Variants in SIGLEC7 observed in about 807,000 individuals in gnomAD.
The protein encoded by SIGLEC7 is sialic acid binding Ig like lectin 7, also known as sialic acid-binding Ig-like lectin 7.
In SIGLEC7, 33 loss-of-function variants were observed where a neutral mutation model predicts 40.8. The observed-to-expected ratio is 0.81, with a 90% CI of 0.61 to 1.08. The LOEUF (loss-of-function observed/expected upper bound fraction) is 1.08, where lower values mean the gene tolerates loss of function less well. Ranked by LOEUF, SIGLEC7 falls within the 50% of genes least tolerant of loss-of-function variation. SIGLEC7 has a pLI of 0.00. For missense variants in SIGLEC7, 513 were observed against 576.1 expected (o/e 0.89, Z 1.12); for synonymous variants, 242 against 237.6 (o/e 1.02, Z -0.17).
At position 51,145,936 on chromosome 19, in the gene SIGLEC7, A is replaced by G. The variant is rs777221109; in HGVS notation, c.842A>G (p.Asn281Ser). 1.9e-5 allele frequency: 31 copies of G among 1,614,052 alleles called. No individual in the cohort carries two copies. Among genetic ancestry groups the G allele is most frequent in the Admixed American group, 1.3e-4 (8 of 59,996 alleles). ...SLRLVCAVDS[N>S]PPARLSWTWR... ...CGCTTGGTCTGTGCTGTTGACAGCA[A>G]TCCCCCTGCCAGGCTGAGCTGGACC... Residue 281 changes from asparagine (N) to serine (S), a missense_variant, in exon 4 of 7, where the codon AAT becomes AGT. Coordinates refer to ENST00000317643, the MANE Select transcript of SIGLEC7 (RefSeq NM_014385.4). The surrounding 1 kb of genome is among the most constrained non-coding windows in gnomAD (Gnocchi z 4.3).
In SIGLEC7 at chr19:51,142,486, C is replaced by T; in HGVS notation, c.117C>T (p.Gly39=). ...AGAGTTCCGTGACCGTGCAAGAGGG[C>T]ATGTGTGTCCATGTGCGCTGCTCCT... ...TMQSSVTVQE[G]MCVHVRCSFS... is the part of the protein sequence containing the mutation. The change falls in exon 1 of 7, where the codon GGC becomes GGT. Residue 39 remains glycine (G), a synonymous_variant. Coordinates refer to ENST00000317643, the MANE Select transcript of SIGLEC7 (RefSeq NM_014385.4). The surrounding 1 kb of genome is among the most constrained non-coding windows in gnomAD (Gnocchi z 5.0). 1 of 1,614,136 alleles carries T rather than the reference C, an allele frequency of 6.2e-7. No homozygotes were observed. The highest frequency in any genetic ancestry group is 1.1e-5 in the South Asian group (1 of 91,088).
chr19:51,153,095 C>A lies in SIGLEC7; in HGVS notation c.1254C>A (p.Asn418Lys). The change falls in exon 7 of 7, where the codon AAC becomes AAA. Residue 418 changes from asparagine (N) to lysine (K), a missense_variant. Asn to Lys is a moderately conservative substitution (Grantham distance 94). Coordinates refer to ENST00000317643, the MANE Select transcript of SIGLEC7 (RefSeq NM_014385.4). The stretch of plus-strand genomic sequence containing the variant: ...TGACTGAGTCCTGGGCAGATGATAA[C>A]CCCCGACACCATGGCCTGGCTGCCC... ...GNLTESWADDNPRHHGLAAHS... is the reference protein window; with the variant it reads ...GNLTESWADDKPRHHGLAAHS... 5 of 1,603,282 alleles carry A rather than the reference C, an allele frequency of 3.1e-6. No individual in the cohort carries two copies. The highest frequency in any genetic ancestry group is 3.4e-6 in the Non-Finnish European group (4 of 1,174,760).
In SIGLEC7 at chr19:51,146,117, C is replaced by T. The variant is rs780559843; in HGVS notation, c.1023C>T (p.Tyr341=). ...TGAACCTCTCCCTGCAACAGGAGTA[C>T]ACAGGTGGGTAAGGGAGGGGCTGGA... ...VSLNLSLQQE[Y]TGKMRPVSGV... The change falls in exon 4 of 7, where the codon TAC becomes TAT. Residue 341 remains tyrosine (Y), a synonymous_variant. Coordinates refer to ENST00000317643, the MANE Select transcript of SIGLEC7 (RefSeq NM_014385.4). 4.3e-6 allele frequency: 7 copies of T among 1,613,668 alleles called. No individual in the cohort carries two copies. Among genetic ancestry groups the T allele is most frequent in the African/African-American group, 1.3e-5 (1 of 75,036 alleles).
intron 1 of SIGLEC7, among the ~76,000 whole-genome samples, chr19:51,143,207 G>A (rs570362843): frequency 1.6e-4 from 24 of 152,078 alleles, no homozygotes; most frequent in Admixed American, 3.9e-4. Flanking sequence ...AACGTCCTGG[G>A]GGGTTAAGTC....
At position 51,145,089 on chromosome 19, in the gene SIGLEC7, C is replaced by A. The variant is rs114750888; in HGVS notation, c.760+130C>A. 1.1e-3 allele frequency: 945 copies of A among 893,132 alleles called. 7 individuals are homozygous for A. The African/African-American group carries it at 0.013, about 12-fold the overall frequency. 55.3% of individuals were successfully genotyped at this position (893,132 alleles called of 1,614,324 possible). A position where few individuals can be genotyped will look rare whatever the true frequency, so the allele number is the denominator to read the frequency against. ...CTTGTAGTTGAACCCAGGCCTCCTCCCCATCCTTAGCCTCTGTGGCCACCT... is the reference window on the plus strand; with the variant it reads ...CTTGTAGTTGAACCCAGGCCTCCTCACCATCCTTAGCCTCTGTGGCCACCT... On this transcript the variant is annotated intron_variant, in intron 3 of 6. Coordinates refer to ENST00000317643, the MANE Select transcript of SIGLEC7 (RefSeq NM_014385.4). The surrounding 1 kb of genome is among the most constrained non-coding windows in gnomAD (Gnocchi z 4.3).
intron 6 of SIGLEC7, 46 bp from the exon 7 acceptor site, chr19:51,153,017 C>T: frequency 7.0e-7 from 1 of 1,422,760 alleles, no homozygotes; most frequent in Non-Finnish European, 9.3e-7. Context: ...CTGCCTTATC[C>T]TATTTCCACT....
At position 51,142,988 on chromosome 19, in the gene SIGLEC7, C is replaced by A. The variant is rs1336818896; in HGVS notation, c.433+186C>A. Among the ~76,000 whole-genome samples, 1 of 152,088 alleles carries A rather than the reference C, an allele frequency of 6.6e-6. No individual in the cohort carries two copies. The highest frequency in any genetic ancestry group is 1.5e-5 in the Non-Finnish European group (1 of 68,024). On this transcript the variant is annotated intron_variant, in intron 1 of 6. Coordinates refer to ENST00000317643, the MANE Select transcript of SIGLEC7 (RefSeq NM_014385.4). The surrounding 1 kb of genome is among the most constrained non-coding windows in gnomAD (Gnocchi z 5.0). ...CCTCCTGATCCTGCAGGCCCCTCCC[C>A]TCACCAGCCCTGACCCACAGGCCTG...
At position 51,144,644 on chromosome 19, in the gene SIGLEC7, C is replaced by G; in HGVS notation, c.672C>G (p.Ala224=). Residue 224 remains alanine, a synonymous_variant, in exon 2 of 7, where the codon GCC becomes GCG. Transcript: ENST00000317643. Reference sequence around the variant, plus strand: ...CCTGTCAGGTGACCTTGCCTGGGGCCGGCGTGACCACGAACAGGACCATCC... The same window carrying G: ...CCTGTCAGGTGACCTTGCCTGGGGCGGGCGTGACCACGAACAGGACCATCC... ...SLTCQVTLPG[A]GVTTNRTIQL... 6.2e-7 allele frequency: 1 copy of G among 1,613,908 alleles called. No homozygotes were observed. Among genetic ancestry groups the G allele is most frequent in the Middle Eastern group, 1.7e-4 (1 of 6,058 alleles).
At chr19:51,143,439 G>A (rs545217158) in intron 1 of SIGLEC7, among the ~76,000 whole-genome samples, 7 of 152,244 alleles carry the variant, frequency 4.6e-5, no homozygotes, top group Non-Finnish European at 1.0e-4. Flanking sequence ...TCCAGAGGCC[G>A]GGAGGGCAGG....
Position 51,145,921 on chromosome 19 carries a change from G to A in SIGLEC7, c.827G>A (p.Cys276Tyr). 1 of 1,614,210 alleles carries A rather than the reference G, an allele frequency of 6.2e-7. No homozygotes were observed. The highest frequency in any genetic ancestry group is 8.5e-7 in the Non-Finnish European group (1 of 1,180,042). Residue 276 changes from cysteine (C) to tyrosine (Y), a missense_variant, in exon 4 of 7, where the codon TGT (cysteine) becomes TAT (tyrosine). Coordinates refer to ENST00000317643, the MANE Select transcript of SIGLEC7 (RefSeq NM_014385.4). The surrounding 1 kb of genome is among the most constrained non-coding windows in gnomAD (Gnocchi z 4.3). ...VLEGQSLRLVCAVDSNPPARL... is the reference protein window; with the variant it reads ...VLEGQSLRLVYAVDSNPPARL... ...GAGGGCCAGTCTCTGCGCTTGGTCT[G>A]TGCTGTTGACAGCAATCCCCCTGCC...
Position 51,144,699 on chromosome 19 carries a change from A to C in SIGLEC7, c.712+15A>C. On this transcript the variant is annotated intron_variant, in intron 2 of 6. Coordinates refer to ENST00000317643, the MANE Select transcript of SIGLEC7 (RefSeq NM_014385.4). ...CAATGTGTCCTGTGAGTGCTGAGCC[A>C]GGACGCCCTGGTCCCTGATGAGGGG... 1 of 1,610,844 alleles carries C rather than the reference A, an allele frequency of 6.2e-7. No individual in the cohort carries two copies. The highest frequency in any genetic ancestry group is 1.1e-5 in the South Asian group (1 of 90,956).
At position 51,142,444 on chromosome 19, in the gene SIGLEC7, T is replaced by C. The variant is rs567962135; in HGVS notation, c.75T>C (p.Asp25=). 2 of 1,614,040 alleles carry C rather than the reference T, an allele frequency of 1.2e-6. No individual in the cohort carries two copies. Among genetic ancestry groups the C allele is most frequent in the East Asian group, 2.2e-5 (1 of 44,856 alleles). ...AAGGACAGAAGAGTAACCGGAAGGA[T>C]TACTCGCTGACGATGCAGAGTTCCG... The part of the protein sequence containing the change: ...RVEGQKSNRK[D]YSLTMQSSVT... Residue 25 remains aspartate (D), a synonymous_variant, in exon 1 of 7, where the codon GAT becomes GAC. Coordinates refer to ENST00000317643, the MANE Select transcript of SIGLEC7 (RefSeq NM_014385.4). The surrounding 1 kb of genome is among the most constrained non-coding windows in gnomAD (Gnocchi z 5.0).
chr19:51,149,015 T>C lies in SIGLEC7; in HGVS notation c.1221+1698T>C, dbSNP rs556047254. ...TCCTTTGCTCACTTTTTAATGGGGT[T>C]GTTTTTCTCTTGTAAATTTGTTTAA... On this transcript the variant is annotated intron_variant, in intron 6 of 6. Coordinates refer to ENST00000317643, the MANE Select transcript of SIGLEC7 (RefSeq NM_014385.4). Among the ~76,000 whole-genome samples the C allele has an allele frequency of 1.6e-4, 25 of 152,354 alleles. No individual in the cohort carries two copies. The South Asian group carries it at 3.7e-3, about 23-fold the overall frequency.
intron 6 of SIGLEC7, among the ~76,000 whole-genome samples, chr19:51,149,367 A>T (rs939554255): frequency 2.0e-5 from 3 of 152,210 alleles, no homozygotes; most frequent in African/African-American, 7.2e-5. Flanking sequence ...AATCTTCTGC[A>T]TGTGGCTAGA....
intron 6 of SIGLEC7, among the ~76,000 whole-genome samples, chr19:51,152,233 C>G (rs766085690): frequency 2.6e-5 from 4 of 152,128 alleles, no homozygotes; most frequent in Non-Finnish European, 5.9e-5. Context: ...CTGGCATCTT[C>G]CAATCTCTCT....
chr19:51,153,132 G>A lies in SIGLEC7; in HGVS notation c.1291G>A (p.Glu431Lys). The A allele has an allele frequency of 6.2e-7, 1 of 1,609,962 alleles. No homozygotes were observed. The highest frequency in any genetic ancestry group is 8.5e-7 in the Non-Finnish European group (1 of 1,178,098). ...HHGLAAHSSG[E>K]EREIQYAPLS... ...TGGCCTGGCTGCCCACTCCTCAGGG[G>A]AGGAAAGAGAGATCCAGTATGCACC... The change falls in exon 7 of 7, where the codon GAG becomes AAG. Residue 431 changes from glutamate to lysine, a missense_variant. By Grantham distance (56) the Glu-to-Lys change is moderately conservative. Transcript: ENST00000317643.
At chr19:51,147,859 T>C (rs1458177100) in intron 6 of SIGLEC7, among the ~76,000 whole-genome samples, 3 of 152,222 alleles carry the variant, frequency 2.0e-5, no homozygotes, top group African/African-American at 4.8e-5. Flanking sequence ...CTTTCTGGCC[T>C]ACACAGTCTC....
chr19:51,144,820 T>C, intron 2 of SIGLEC7, 92 bp from the exon 3 acceptor site: 2 of 1,581,994 alleles, frequency 1.3e-6, no homozygotes, highest in Non-Finnish European at 1.7e-6. Flanking sequence ...GGACGCTGGC[T>C]CCGCCTTCCC....
chr19:51,142,845 A>G lies in SIGLEC7; in HGVS notation c.433+43A>G, dbSNP rs750087215. ...AGAGAGGCCAAAGGCAAATGTGATG[A>G]GGGCTTTAGGGCACGGCTGAGACGG... On this transcript the variant is annotated intron_variant, in intron 1 of 6. Transcript: ENST00000317643. This position sits in a 1 kb window ranked among gnomAD's most constrained non-coding sequence, Gnocchi z 5.0. 4.6e-6 allele frequency: 7 copies of G among 1,533,614 alleles called. No individual in the cohort carries two copies. The East Asian group carries it at 1.6e-4, about 35-fold the overall frequency.
Sources: gnomAD v4.1 joint callset for allele counts (sites outside exome capture counted in the v4.1 genomes callset) on GRCh38, gnomAD v4.1.1 for gene constraint, Gnocchi (gnomAD v3.1) non-coding constraint, MANE v1.5 for transcripts, NCBI Gene and HGNC (gene_info 2026-07-23, HGNC 2026-07-21) for gene names.